The following IMMP2L variants were observed in gnomAD, a reference collection of about 807,000 sequenced individuals.
IMMP2L encodes the protein mitochondrial inner membrane protease subunit 2.
In IMMP2L, 18 loss-of-function variants were observed where a neutral mutation model predicts 19.3. The ratio of observed to expected loss-of-function variants is 0.93; its 90% confidence interval spans 0.64 to 1.38. The LOEUF is 1.38. IMMP2L is among the 40% of genes most tolerant of loss of function. IMMP2L has a pLI of 0.00. For missense variants in IMMP2L, 233 were observed against 218.2 expected (o/e 1.07, Z -0.43); for synonymous variants, 76 against 73.0 (o/e 1.04, Z -0.21).
intron 3 of IMMP2L, among the ~76,000 whole-genome samples, chr7:111,456,159 T>C (rs546173796): frequency 7.2e-5 from 11 of 152,086 alleles, no homozygotes; most frequent in African/African-American, 2.6e-4. Context: ...AATAACTCTT[T>C]AGGGCAAGAA....
intron 3 of IMMP2L, among the ~76,000 whole-genome samples, chr7:111,044,286 A>G (rs533050980): frequency 6.9e-4 from 105 of 152,298 alleles, no homozygotes; most frequent in African/African-American, 2.4e-3. Flanking sequence ...TGGGCTGAGC[A>G]TGGTGGCTCA....
At chr7:110,818,967 G>T (rs1169424524) in intron 5 of IMMP2L, among the ~76,000 whole-genome samples, 1 of 108,272 alleles carries the variant, frequency 9.2e-6, no homozygotes, top group Admixed American at 1.2e-4. Flanking sequence ...TTGTTGGGTG[G>T]GGGGCGGGGG....
rs1383639009 is a variant in IMMP2L, at chr7:111,562,380, G to A, written c.-532C>T. The A allele has an allele frequency of 6.6e-6, 1 of 151,008 alleles. No individual in the cohort carries two copies. The allele number at this position is 151,008 out of a possible 1,614,324, so 9.4% of individuals were successfully genotyped here. A position where few individuals can be genotyped will look rare whatever the true frequency, so the allele number is the denominator to read the frequency against. ...GTCCCCAGCCCAAGAGACCACCAAG[G>A]GTCGGCGGCTACGCGCCCGCCGACC... On this transcript the variant is annotated 5_prime_UTR_variant, in exon 1 of 6. Coordinates refer to ENST00000405709, the MANE Select transcript of IMMP2L (RefSeq NM_032549.4).
At chr7:110,814,695 G>A (rs1802331344) in intron 5 of IMMP2L, among the ~76,000 whole-genome samples, 1 of 140,572 alleles carries the variant, frequency 7.1e-6, no homozygotes, top group Admixed American at 7.1e-5. Flanking sequence ...AATTGGTCAA[G>A]TACAGATATA....
intron 4 of IMMP2L, among the ~76,000 whole-genome samples, chr7:110,935,666 G>C (rs1816020384): frequency 6.6e-6 from 1 of 151,864 alleles, no homozygotes; most frequent in African/African-American, 2.4e-5. Flanking sequence ...AGCTACTACT[G>C]TTGACTTTCT....
chr7:111,035,298 C>G (rs1444643136), intron 3 of IMMP2L, among the ~76,000 whole-genome samples: 1 of 152,128 alleles, frequency 6.6e-6, no homozygotes, highest in African/African-American at 2.4e-5. Flanking sequence ...CTGTTTACAC[C>G]TTTCCACAAA....
chr7:110,846,510 C>A (rs548524012), intron 5 of IMMP2L, among the ~76,000 whole-genome samples: 1 of 151,836 alleles, frequency 6.6e-6, no homozygotes, highest in South Asian at 2.1e-4. Flanking sequence ...GGACTACTGG[C>A]GCCTGCCACC....
At chr7:110,738,006 G>A (rs1796749560) in intron 5 of IMMP2L, among the ~76,000 whole-genome samples, 1 of 152,140 alleles carries the variant, frequency 6.6e-6, no homozygotes, top group Non-Finnish European at 1.5e-5. Context: ...ATAGGGGAAG[G>A]GGGAGAACAC....
chr7:111,092,159 C>T (rs1186873298), intron 3 of IMMP2L, among the ~76,000 whole-genome samples: 1 of 152,186 alleles, frequency 6.6e-6, no homozygotes, highest in East Asian at 1.9e-4. Flanking sequence ...AATGACTTCC[C>T]TTTAATAACA....
intron 2 of IMMP2L, among the ~76,000 whole-genome samples, chr7:111,512,516 A>G (rs1206130422): frequency 1.3e-5 from 2 of 152,060 alleles, no homozygotes; most frequent in Non-Finnish European, 2.9e-5. Context: ...ATAATTTTTA[A>G]TAAAAAATTC....
At chr7:111,214,331 C>CTTTTTT (rs1169450523) in intron 3 of IMMP2L, among the ~76,000 whole-genome samples, 7 of 82,188 alleles carry the variant, frequency 8.5e-5, no homozygotes, top group African/African-American at 2.7e-4. Flanking sequence ...AATTTTTCTT[C>CTTTTTT]TTTTTTTTTT....
At chr7:111,226,836 G>A (rs1022436812) in intron 3 of IMMP2L, among the ~76,000 whole-genome samples, 7 of 152,000 alleles carry the variant, frequency 4.6e-5, no homozygotes, top group African/African-American at 1.5e-4. Flanking sequence ...TTGGTAAACT[G>A]ACTAGAAGGA....
intron 3 of IMMP2L, among the ~76,000 whole-genome samples, chr7:111,000,563 A>G (rs1405644900): frequency 6.6e-6 from 1 of 152,072 alleles, no homozygotes; most frequent in Non-Finnish European, 1.5e-5. Context: ...AGATGGATGG[A>G]TGGGGCGCAG....
chr7:111,425,798 G>T (rs1836016667), intron 3 of IMMP2L, among the ~76,000 whole-genome samples: 1 of 151,068 alleles, frequency 6.6e-6, no homozygotes, highest in Non-Finnish European at 1.5e-5. Context: ...CCACCTGCTG[G>T]ATCATTCTTA....
chr7:110,933,258 T>C (rs1431609575), intron 4 of IMMP2L, among the ~76,000 whole-genome samples: 1 of 152,124 alleles, frequency 6.6e-6, no homozygotes, highest in African/African-American at 2.4e-5. Flanking sequence ...GAGGCAGTGA[T>C]TAAACACTGG....
At chr7:111,428,477 A>G (rs1836306910) in intron 3 of IMMP2L, among the ~76,000 whole-genome samples, 1 of 151,874 alleles carries the variant, frequency 6.6e-6, no homozygotes, top group African/African-American at 2.4e-5. Flanking sequence ...TGTGAAATAA[A>G]TTAAGAATCA....
In IMMP2L at chr7:110,924,436, C is replaced by G. The variant is rs1406368474; in HGVS notation, c.306-37741G>C. Reference sequence around the variant, plus strand: ...ACATACCAGACTCATTAAAGGGGCCCCATCCTTCTGGCCAGTCACAAGGTC... The same window carrying G: ...ACATACCAGACTCATTAAAGGGGCCGCATCCTTCTGGCCAGTCACAAGGTC... On this transcript the variant is annotated intron_variant, in intron 4 of 5. Coordinates refer to ENST00000405709, the MANE Select transcript of IMMP2L (RefSeq NM_032549.4). The surrounding 1 kb of genome is among the most constrained non-coding windows in gnomAD (Gnocchi z 4.2). Among the ~76,000 whole-genome samples the G allele has an allele frequency of 1.3e-5, 2 of 152,082 alleles. No individual in the cohort carries two copies. The highest frequency in any genetic ancestry group is 2.9e-5 in the Non-Finnish European group (2 of 68,012).
intron 4 of IMMP2L, among the ~76,000 whole-genome samples, chr7:110,945,680 G>A (rs1454415601): frequency 6.6e-6 from 1 of 151,874 alleles, no homozygotes; most frequent in Non-Finnish European, 1.5e-5. Flanking sequence ...AAGGTCCTCA[G>A]ATTATTGTCA....
chr7:111,085,257 G>C (rs190932148), intron 3 of IMMP2L, among the ~76,000 whole-genome samples: 1 of 152,104 alleles, frequency 6.6e-6, no homozygotes, highest in Non-Finnish European at 1.5e-5. Flanking sequence ...AGACCTTTGG[G>C]TATATACACA....
Sources: allele counts gnomAD v4.1 joint callset (sites outside exome capture counted in the v4.1 genomes callset), GRCh38; gene constraint gnomAD v4.1.1; non-coding constraint Gnocchi (gnomAD v3.1); transcripts MANE v1.5; gene names NCBI Gene and HGNC (gene_info 2026-07-23, HGNC 2026-07-21).